AFG3L2: variants seen among roughly 807,000 people sequenced by gnomAD.
The protein encoded by AFG3L2 is AFG3 like matrix AAA peptidase subunit 2.
In AFG3L2, 54 loss-of-function variants were observed where a neutral mutation model predicts 94.5. The observed-to-expected ratio is 0.57, with a 90% CI of 0.46 to 0.72. The LOEUF (loss-of-function observed/expected upper bound fraction) is 0.72, where lower values mean the gene tolerates loss of function less well. Ranked by LOEUF, AFG3L2 falls within the 30% of genes least tolerant of loss-of-function variation. The probability of loss-of-function intolerance (pLI) is 0.00; values close to 1 mark genes in which losing one functional copy is unlikely to be tolerated. For missense variants in AFG3L2, 754 were observed against 994.9 expected (o/e 0.76, Z 3.26); for synonymous variants, 377 against 365.5 (o/e 1.03, Z -0.36).
chr18:12,366,757 TA>T lies in AFG3L2; in HGVS notation c.552+207del, dbSNP rs1299494487. ...AACCCAGTTCTGGGAGGTAGTGAAA[TA>T]AAAGAATTTGTGGGTAAATTTGAGG... On this transcript the variant is annotated intron_variant, in intron 5 of 16. Transcript: ENST00000269143. Among the ~76,000 whole-genome samples, 3 of 152,280 alleles carry T rather than the reference TA, an allele frequency of 2.0e-5. No homozygotes were observed. In the East Asian group the frequency reaches 5.8e-4, roughly 29 times the overall value.
In AFG3L2 at chr18:12,329,685, T is replaced by G; in HGVS notation, c.2274A>C (p.Glu758Asp). Residue 758 changes from glutamate (E) to aspartate (D), a missense_variant, in exon 17 of 17, where the codon GAA (glutamate) becomes GAC (aspartate). Transcript: ENST00000269143. ...CCAAGCTGCCAGTGCCTTCCACAAA[T>G]TCTTCATAGGTAGATTTTTCCGCAA... Reference protein sequence around the residue: ...RPFAEKSTYEEFVEGTGSLDE... With the variant: ...RPFAEKSTYEDFVEGTGSLDE... 6.2e-7 allele frequency: 1 copy of G among 1,614,186 alleles called. No individual in the cohort carries two copies. Among genetic ancestry groups the G allele is most frequent in the Non-Finnish European group, 8.5e-7 (1 of 1,180,034 alleles).
At chr18:12,334,368 G>A (rs11664255) in intron 16 of AFG3L2, among the ~76,000 whole-genome samples, 16,904 of 152,192 alleles carry the variant, frequency 0.11, 968 homozygotes, top group Middle Eastern at 0.19. Flanking sequence ...GGGAGAACTG[G>A]GGAGATTCTC....
Position 12,377,001 on chromosome 18 carries a change from C to T in AFG3L2, c.82G>A (p.Val28Met), listed in dbSNP as rs1168163108. 16 of 1,460,596 alleles carry T rather than the reference C, an allele frequency of 1.1e-5. No individual in the cohort carries two copies. Among genetic ancestry groups the T allele is most frequent in the Admixed American group, 2.4e-5 (1 of 41,678 alleles). The allele number at this position is 1,460,596 out of a possible 1,614,324, so 90.5% of individuals were successfully genotyped here. A position where few individuals can be genotyped will look rare whatever the true frequency, so the allele number is the denominator to read the frequency against. ...GLQQLLVPGG[V>M]GPGEQPCLRT... is the part of the protein sequence containing the mutation. Reference sequence around the variant, plus strand: ...AGGCAGGGCTGCTCGCCCGGGCCCACGCCGCCAGGCACGAGGAGCTGCTGT... The same window carrying T: ...AGGCAGGGCTGCTCGCCCGGGCCCATGCCGCCAGGCACGAGGAGCTGCTGT... Residue 28 changes from valine to methionine, a missense_variant, in exon 1 of 17, where the codon GTG becomes ATG. Transcript: ENST00000269143.
chr18:12,336,418 T>C lies in AFG3L2; in HGVS notation c.2175+923A>G, dbSNP rs188062317. Reference sequence around the variant, plus strand: ...ACTCAGCACAGGAGGATAGCTTCCATGCCCTATGATTTCACCTCTGCCCCA... The same window carrying C: ...ACTCAGCACAGGAGGATAGCTTCCACGCCCTATGATTTCACCTCTGCCCCA... On this transcript the variant is annotated intron_variant, in intron 16 of 16. Coordinates refer to ENST00000269143, the MANE Select transcript of AFG3L2 (RefSeq NM_006796.3). Among the ~76,000 whole-genome samples the C allele has an allele frequency of 6.8e-4, 103 of 152,338 alleles. 1 individual carries two copies. The highest frequency in any genetic ancestry group is 2.4e-3 in the African/African-American group (100 of 41,580).
At chr18:12,350,973 C>T in intron 12 of AFG3L2, 112 bp downstream of exon 12, 3 of 1,422,396 alleles carry the variant, frequency 2.1e-6, no homozygotes, top group Non-Finnish European at 2.9e-6. Context: ...AGAATATAAA[C>T]TTAGGAAGCC....
At chr18:12,369,241 C>T (rs1447171289) in intron 3 of AFG3L2, among the ~76,000 whole-genome samples, 1 of 152,092 alleles carries the variant, frequency 6.6e-6, no homozygotes, top group African/African-American at 2.4e-5. Context: ...TATCATTACT[C>T]GGCCCCCACA....
chr18:12,358,777 A>C lies in AFG3L2; in HGVS notation c.919T>G (p.Phe307Val). 6.2e-7 allele frequency: 1 copy of C among 1,614,228 alleles called. No homozygotes were observed. The highest frequency in any genetic ancestry group is 1.1e-5 in the South Asian group (1 of 91,088). ...KVLKDEIDVK[F>V]KDVAGCEEAK... ...TCCTCACAGCCAGCCACATCTTTGAACTTCACATCAATTTCATCCTTTAAG... is the reference window on the plus strand; with the variant it reads ...TCCTCACAGCCAGCCACATCTTTGACCTTCACATCAATTTCATCCTTTAAG... The change falls in exon 8 of 17, where the codon TTC (phenylalanine) becomes GTC (valine). Residue 307 changes from phenylalanine (F) to valine (V), a missense_variant. Coordinates refer to ENST00000269143, the MANE Select transcript of AFG3L2 (RefSeq NM_006796.3).
At position 12,359,908 on chromosome 18, in the gene AFG3L2, A is replaced by G. The variant is rs757300756; in HGVS notation, c.752+19T>C. The G allele has an allele frequency of 3.8e-5, 61 of 1,612,260 alleles. No homozygotes were observed. Among genetic ancestry groups the G allele is most frequent in the Non-Finnish European group, 4.7e-5 (56 of 1,179,872 alleles). On this transcript the variant is annotated intron_variant, in intron 7 of 16. Transcript: ENST00000269143. The stretch of plus-strand genomic sequence containing the variant: ...GGCAGCACAGTCAACAGTCTACAAA[A>G]TATTATATTTGAGATTACCCATCAC...
intron 12 of AFG3L2, 62 bp downstream of exon 12, chr18:12,351,023 C>G: frequency 1.3e-6 from 2 of 1,599,446 alleles, no homozygotes; most frequent in Non-Finnish European, 1.7e-6. Flanking sequence ...TAAACCGGTA[C>G]CTGGTAACTG....
chr18:12,375,032 G>T (rs1458506794), intron 1 of AFG3L2, among the ~76,000 whole-genome samples: 1 of 148,972 alleles, frequency 6.7e-6, no homozygotes, highest in Admixed American at 6.7e-5. Flanking sequence ...CTCCAGTCTG[G>T]GCGACAGAGC....
intron 1 of AFG3L2, among the ~76,000 whole-genome samples, chr18:12,375,529 T>TG (rs1909127340): frequency 1.3e-5 from 2 of 149,114 alleles, no homozygotes; most frequent in Admixed American, 1.3e-4. Context: ...CAGGCCAGCC[T>TG]GGGCAACTGG....
chr18:12,346,775 G>A lies in AFG3L2; in HGVS notation c.1663+1498C>T, dbSNP rs565862944. Among the ~76,000 whole-genome samples the A allele has an allele frequency of 9.9e-5, 15 of 151,958 alleles. No homozygotes were observed. The South Asian group carries it at 1.0e-3, about 11-fold the overall frequency. ...AAAAATTAGCCAGGCGTGGTGGCAC[G>A]CACCTGTAATCCCAGCTGTTTGGGA... is the stretch of plus-strand genomic sequence containing the variant. On this transcript the variant is annotated intron_variant, in intron 13 of 16. Coordinates refer to ENST00000269143, the MANE Select transcript of AFG3L2 (RefSeq NM_006796.3).
chr18:12,337,872 C>T (rs1907804881), intron 15 of AFG3L2, among the ~76,000 whole-genome samples: 3 of 152,062 alleles, frequency 2.0e-5, no homozygotes, highest in East Asian at 3.9e-4. Flanking sequence ...CGAGTTCAAG[C>T]GATTCTCGAG....
intron 15 of AFG3L2, among the ~76,000 whole-genome samples, chr18:12,339,507 G>A (rs1178382018): frequency 3.4e-5 from 5 of 145,818 alleles, no homozygotes; most frequent in African/African-American, 1.3e-4. Flanking sequence ...AGCCGAGATC[G>A]CACCATTGCA....
chr18:12,371,978 C>G (rs1428634601), intron 1 of AFG3L2, among the ~76,000 whole-genome samples: 1 of 152,198 alleles, frequency 6.6e-6, no homozygotes, highest in African/African-American at 2.4e-5. Context: ...AACACATTCA[C>G]TTTGATGATG....
At chr18:12,335,157 T>G (rs183528827) in intron 16 of AFG3L2, among the ~76,000 whole-genome samples, 1 of 152,258 alleles carries the variant, frequency 6.6e-6, no homozygotes. Context: ...TGAAACAAAG[T>G]TCTGCTGGAT....
intron 16 of AFG3L2, chr18:12,337,070 T>A: frequency 3.3e-6 from 2 of 604,244 alleles, no homozygotes; most frequent in South Asian, 4.0e-5. Context: ...GAGTCCTGAT[T>A]TGTTTACTTT....
At chr18:12,345,276 G>A (rs1408266063) in intron 13 of AFG3L2, among the ~76,000 whole-genome samples, 1 of 152,268 alleles carries the variant, frequency 6.6e-6, no homozygotes, top group Non-Finnish European at 1.5e-5. Flanking sequence ...TCTAGTCTGA[G>A]CGTGATTCTT....
Position 12,355,208 on chromosome 18 carries a change from T to TA in AFG3L2, c.1164+1485dup, listed in dbSNP as rs11303145. ...AGCAAGACTCCATCTCAAAAAAAAT[T>TA]AAAAAAAAAAAAAAAGAACTCTTAC... is the stretch of plus-strand genomic sequence containing the variant. On this transcript the variant is annotated intron_variant, in intron 9 of 16. Coordinates refer to ENST00000269143, the MANE Select transcript of AFG3L2 (RefSeq NM_006796.3). Among the ~76,000 whole-genome samples, 344 of 139,230 alleles carry TA rather than the reference T, an allele frequency of 2.5e-3. 2 individuals carry two copies. The highest frequency in any genetic ancestry group is 6.4e-3 in the African/African-American group (233 of 36,662). The allele number at this position is 139,230 out of a possible 152,430, so 91.3% of individuals were successfully genotyped here.
Sources: gnomAD v4.1 joint callset for allele counts (sites outside exome capture counted in the v4.1 genomes callset) on GRCh38, gnomAD v4.1.1 for gene constraint, MANE v1.5 for transcripts, NCBI Gene and HGNC (gene_info 2026-07-23, HGNC 2026-07-21) for gene names.